Variants in CDH8 observed in about 807,000 individuals in gnomAD.
CDH8 encodes the protein cadherin-8.
CDH8 carries 17 observed loss-of-function variants against 68.1 expected under a neutral mutation model. The ratio of observed to expected loss-of-function variants is 0.25; its 90% CI spans 0.17 to 0.37. CDH8 has a LOEUF of 0.37. Among genes scored for constraint, CDH8 ranks in the 10% least tolerant of loss-of-function variants. CDH8 has a pLI of 1.00. For synonymous variants in CDH8, 372 were observed against 365.1 expected, an observed-to-expected ratio of 1.02 and a Z score of -0.21; for missense variants, 763 against 999.3, an observed-to-expected ratio of 0.76 and a Z score of 3.19.
intron 3 of CDH8, among the ~76,000 whole-genome samples, chr16:61,899,891 T>C (rs547102560): frequency 8.0e-5 from 12 of 150,218 alleles, no homozygotes; most frequent in Admixed American, 8.0e-4. Flanking sequence ...GATTGCTAAA[T>C]TAAAATATCA....
At chr16:61,984,170 G>A (rs948702178) in intron 2 of CDH8, among the ~76,000 whole-genome samples, 17 of 151,974 alleles carry the variant, frequency 1.1e-4, no homozygotes, top group South Asian at 4.2e-4. Flanking sequence ...CGCCCACCTC[G>A]GCCTCCCAAA....
At chr16:61,736,152 G>GAAGA (rs1959679652) in intron 8 of CDH8, among the ~76,000 whole-genome samples, 3 of 148,940 alleles carry the variant, frequency 2.0e-5, no homozygotes, top group Middle Eastern at 3.4e-3. Flanking sequence ...AGGAAGGAAG[G>GAAGA]AAGGAAAGAA....
intron 2 of CDH8, among the ~76,000 whole-genome samples, chr16:61,972,350 A>C (rs1965352817): frequency 6.6e-6 from 1 of 152,256 alleles, no homozygotes; most frequent in South Asian, 2.1e-4. Context: ...TACACTTCTC[A>C]ACTCCCTGAG....
At chr16:61,790,586 G>C (rs577019562) in intron 7 of CDH8, among the ~76,000 whole-genome samples, 21 of 152,112 alleles carry the variant, frequency 1.4e-4, no homozygotes, top group Non-Finnish European at 2.4e-4. Flanking sequence ...TAAACTCAAA[G>C]CTGAAGCATG....
At chr16:62,006,539 A>G (rs761866487) in intron 2 of CDH8, among the ~76,000 whole-genome samples, 3 of 152,142 alleles carry the variant, frequency 2.0e-5, no homozygotes, top group Non-Finnish European at 4.4e-5. Context: ...GAGTTCATAT[A>G]TCCTGGAAGG....
At chr16:61,803,379 C>A (rs1442910567) in intron 7 of CDH8, among the ~76,000 whole-genome samples, 3 of 132,504 alleles carry the variant, frequency 2.3e-5, no homozygotes, top group South Asian at 2.5e-4. Flanking sequence ...AATGTAAAGA[C>A]CATCGAGACT....
chr16:61,798,469 C>T (rs574475579), intron 7 of CDH8, among the ~76,000 whole-genome samples: 1 of 152,230 alleles, frequency 6.6e-6, no homozygotes, highest in Non-Finnish European at 1.5e-5. Flanking sequence ...GGCTATTTCA[C>T]CCTAGCTATC....
intron 7 of CDH8, among the ~76,000 whole-genome samples, chr16:61,804,674 G>C (rs1961755468): frequency 6.6e-6 from 1 of 150,648 alleles, no homozygotes; most frequent in South Asian, 2.1e-4. Context: ...ACTACCATCA[G>C]AGAATACCAC....
chr16:61,968,779 A>G (rs1358070687), intron 2 of CDH8, among the ~76,000 whole-genome samples: 3 of 152,200 alleles, frequency 2.0e-5, no homozygotes, highest in Non-Finnish European at 4.4e-5. Flanking sequence ...TTCCAATTCT[A>G]AGCGGCAGGA....
intron 2 of CDH8, among the ~76,000 whole-genome samples, chr16:61,910,400 A>G (rs1964140457): frequency 6.6e-6 from 1 of 151,792 alleles, no homozygotes; most frequent in Admixed American, 6.6e-5. Context: ...ATGTATGCTG[A>G]TAATAGTCTG....
At chr16:61,677,295 A>T (rs919082602) in intron 10 of CDH8, among the ~76,000 whole-genome samples, 8 of 150,924 alleles carry the variant, frequency 5.3e-5, no homozygotes, top group Non-Finnish European at 1.2e-4. Context: ...CTGAAGGCCT[A>T]TGTGAGGAAG....
intron 4 of CDH8, among the ~76,000 whole-genome samples, chr16:61,855,857 T>C (rs1028402983): frequency 1.1e-4 from 17 of 152,162 alleles, no homozygotes; most frequent in Non-Finnish European, 2.9e-5. Flanking sequence ...AGCCACCTGC[T>C]CTGCCATTTC....
chr16:61,800,542 C>T (rs888682923), intron 7 of CDH8, among the ~76,000 whole-genome samples: 2 of 152,112 alleles, frequency 1.3e-5, no homozygotes, highest in Non-Finnish European at 1.5e-5. Flanking sequence ...TCCATGACTT[C>T]GACCCATTAA....
chr16:61,672,107 A>T (rs1428515821), intron 10 of CDH8, among the ~76,000 whole-genome samples: 2 of 152,168 alleles, frequency 1.3e-5, no homozygotes, highest in Non-Finnish European at 2.9e-5. Flanking sequence ...TCAAGATGGT[A>T]TTTGATTTTC....
At position 61,727,211 on chromosome 16, in the gene CDH8, G is replaced by T; in HGVS notation, c.1419C>A (p.Asn473Lys). Residue 473 changes from asparagine to lysine, a missense_variant, in exon 9 of 12, where the codon AAC (asparagine) becomes AAA (lysine). Physicochemically the swap from Asn to Lys is moderately conservative, Grantham distance 94 (BLOSUM62 0). Transcript: ENST00000577390. ...CAGGTACTCGTGATATCTGACTGTG[G>T]TTCCCTATGGGAAGGAAAAAATAAC... Reference protein sequence around the residue: ...NITIIATEIRNHSQISRVPVA... With the variant: ...NITIIATEIRKHSQISRVPVA... 6.2e-7 allele frequency: 1 copy of T among 1,605,476 alleles called. No homozygotes were observed. The highest frequency in any genetic ancestry group is 8.5e-7 in the Non-Finnish European group (1 of 1,174,646).
intron 7 of CDH8, among the ~76,000 whole-genome samples, chr16:61,801,268 T>C (rs760376402): frequency 1.3e-5 from 2 of 152,206 alleles, no homozygotes; most frequent in Admixed American, 6.5e-5. Flanking sequence ...AGGTCTAGTA[T>C]ACCACACTGA....
At chr16:61,756,661 T>C (rs1218291662) in intron 8 of CDH8, among the ~76,000 whole-genome samples, 1 of 152,200 alleles carries the variant, frequency 6.6e-6, no homozygotes, top group Non-Finnish European at 1.5e-5. Flanking sequence ...TATTTTTTTG[T>C]CTAAATCTCT....
chr16:61,656,693 T>C (rs1963455206), intron 10 of CDH8, among the ~76,000 whole-genome samples: 1 of 152,176 alleles, frequency 6.6e-6, no homozygotes, highest in Non-Finnish European at 1.5e-5. Flanking sequence ...TTTGCAGGTG[T>C]CGGTTAATTA....
At chr16:62,013,395 T>C (rs1901863945) in intron 2 of CDH8, among the ~76,000 whole-genome samples, 1 of 151,510 alleles carries the variant, frequency 6.6e-6, no homozygotes, top group Non-Finnish European at 1.5e-5. Context: ...TGAATATGGG[T>C]GTATGGGTGA....
Sources: gnomAD v4.1 joint callset for allele counts (sites outside exome capture counted in the v4.1 genomes callset) on GRCh38, gnomAD v4.1.1 for gene constraint, MANE v1.5 for transcripts, NCBI Gene and HGNC (gene_info 2026-07-23, HGNC 2026-07-21) for gene names.